Variants in GAS2 observed in about 807,000 individuals in gnomAD.
The protein encoded by GAS2 is growth arrest-specific protein 2.
A neutral mutation model predicts 37.5 loss-of-function variants in GAS2; 20 were observed. The observed-to-expected ratio is 0.53, with a 90% CI of 0.37 to 0.77. The LOEUF (loss-of-function observed/expected upper bound fraction) is 0.77, where lower values mean the gene tolerates loss of function less well. Among genes scored for constraint, GAS2 ranks in the 30% least tolerant of loss-of-function variants. The pLI is 0.00. For missense variants in GAS2, 336 were observed against 373.4 expected, an observed-to-expected ratio of 0.90 and a Z score of 0.82; for synonymous variants, 144 against 132.2, an observed-to-expected ratio of 1.09 and a Z score of -0.61.
intron 3 of GAS2, among the ~76,000 whole-genome samples, chr11:22,722,848 A>C (rs1852012532): frequency 6.6e-6 from 1 of 151,912 alleles, no homozygotes; most frequent in East Asian, 1.9e-4. Flanking sequence ...AAAAGCTTTC[A>C]TGAGTAAACA....
chr11:22,772,741 G>A (rs1855048124), intron 7 of GAS2, among the ~76,000 whole-genome samples: 1 of 152,122 alleles, frequency 6.6e-6, no homozygotes, highest in Non-Finnish European at 1.5e-5. Flanking sequence ...AGTAGAAGGA[G>A]GGAGGATAAT....
chr11:22,684,590 G>A (rs755001657), intron 2 of GAS2, among the ~76,000 whole-genome samples: 2 of 152,144 alleles, frequency 1.3e-5, no homozygotes, highest in Non-Finnish European at 2.9e-5. Context: ...AGAAAGATAC[G>A]TTTAGAAAGA....
intron 7 of GAS2, among the ~76,000 whole-genome samples, chr11:22,793,675 G>GTATATAGA (rs1856290421): frequency 6.6e-6 from 1 of 151,832 alleles, no homozygotes; most frequent in Non-Finnish European, 1.5e-5. Context: ...ATAGAAAGGG[G>GTATATAGA]AAGATAAAAC....
intron 1 of GAS2, among the ~76,000 whole-genome samples, chr11:22,645,520 T>C (rs12279298): frequency 0.22 from 33,794 of 150,306 alleles, 4,652 homozygotes; most frequent in African/African-American, 0.38. Context: ...TATATATATA[T>C]ACACACACAC....
At chr11:22,780,012 C>T (rs867427210) in intron 7 of GAS2, among the ~76,000 whole-genome samples, 2 of 152,174 alleles carry the variant, frequency 1.3e-5, no homozygotes, top group African/African-American at 2.4e-5. Flanking sequence ...AGAGTTGACT[C>T]GGAGTTGATT....
chr11:22,809,103 A>G (rs1857022626), intron 7 of GAS2, among the ~76,000 whole-genome samples: 1 of 152,154 alleles, frequency 6.6e-6, no homozygotes, highest in South Asian at 2.1e-4. Context: ...CTCAGTGTCT[A>G]CATATGTAAA....
Position 22,695,277 on chromosome 11 carries a change from G to A in GAS2, c.267+9488G>A, listed in dbSNP as rs373920587. ...GGAGGTTGCAGTTAGCCAAGATCAC[G>A]CCACTGCACTCCAGCCTGGGTGACA... On this transcript the variant is annotated intron_variant, in intron 3 of 7. Transcript: ENST00000454584. Among the ~76,000 whole-genome samples the A allele has an allele frequency of 4.6e-5, 7 of 151,844 alleles. No individual in the cohort carries two copies. The East Asian group carries it at 1.2e-3, about 25-fold the overall frequency.
chr11:22,647,192 G>C (rs1424774961), intron 1 of GAS2, among the ~76,000 whole-genome samples: 1 of 150,238 alleles, frequency 6.7e-6, no homozygotes, highest in South Asian at 2.1e-4. Context: ...TTGTTCTTGC[G>C]ATAGTTTACT....
intron 7 of GAS2, among the ~76,000 whole-genome samples, chr11:22,798,705 C>T (rs1371217716): frequency 6.6e-6 from 1 of 152,038 alleles, no homozygotes; most frequent in Non-Finnish European, 1.5e-5. Flanking sequence ...CCACCTTTGG[C>T]AAGGACGTCT....
intron 3 of GAS2, among the ~76,000 whole-genome samples, chr11:22,703,687 G>A (rs1259883450): frequency 6.6e-6 from 1 of 152,078 alleles, no homozygotes; most frequent in African/African-American, 2.4e-5. Flanking sequence ...ACAGAGTAAT[G>A]GAATAATGCT....
At chr11:22,753,572 A>G (rs1853860615) in intron 6 of GAS2, among the ~76,000 whole-genome samples, 1 of 152,112 alleles carries the variant, frequency 6.6e-6, no homozygotes, top group Non-Finnish European at 1.5e-5. Context: ...ACATGGCAGC[A>G]AAATTGTGCC....
At chr11:22,714,778 A>G (rs1851582212) in intron 3 of GAS2, among the ~76,000 whole-genome samples, 1 of 152,224 alleles carries the variant, frequency 6.6e-6, no homozygotes, top group Admixed American at 6.5e-5. Flanking sequence ...TGGGTCCACA[A>G]TGAAATCAAG....
At chr11:22,721,183 C>T (rs1236757672) in intron 3 of GAS2, among the ~76,000 whole-genome samples, 1 of 151,928 alleles carries the variant, frequency 6.6e-6, no homozygotes. Context: ...GCACTGAAGG[C>T]ACTTACAACA....
chr11:22,720,349 A>G (rs1851887306), intron 3 of GAS2, among the ~76,000 whole-genome samples: 1 of 151,994 alleles, frequency 6.6e-6, no homozygotes, highest in African/African-American at 2.4e-5. Flanking sequence ...TGCTTGAGGC[A>G]CAGGGTCTTA....
At chr11:22,804,950 C>A (rs1564896650) in intron 7 of GAS2, among the ~76,000 whole-genome samples, 1 of 152,246 alleles carries the variant, frequency 6.6e-6, no homozygotes, top group African/African-American at 2.4e-5. Flanking sequence ...TCTAAACCAG[C>A]TCAGCATCTG....
At chr11:22,674,548 C>T (rs1849340392) in intron 1 of GAS2, among the ~76,000 whole-genome samples, 1 of 152,136 alleles carries the variant, frequency 6.6e-6, no homozygotes, top group Non-Finnish European at 1.5e-5. Context: ...TCTCGTGTTT[C>T]AATATGTGGA....
chr11:22,659,978 G>C (rs1480848188), intron 1 of GAS2, among the ~76,000 whole-genome samples: 1 of 152,104 alleles, frequency 6.6e-6, no homozygotes, highest in Non-Finnish European at 1.5e-5. Flanking sequence ...CTTCAAATAA[G>C]TTGCTTGAAG....
At chr11:22,780,883 G>T (rs1855526990) in intron 7 of GAS2, among the ~76,000 whole-genome samples, 1 of 152,096 alleles carries the variant, frequency 6.6e-6, no homozygotes, top group South Asian at 2.1e-4. Flanking sequence ...CTAGATTCAG[G>T]ATTAAATTCA....
intron 1 of GAS2, among the ~76,000 whole-genome samples, chr11:22,650,974 G>A (rs1222050399): frequency 1.3e-5 from 2 of 152,010 alleles, no homozygotes; most frequent in African/African-American, 4.8e-5. Flanking sequence ...ATGTTAGCTG[G>A]TTATTTTGCT....
Sources: gnomAD v4.1 joint callset for allele counts (sites outside exome capture counted in the v4.1 genomes callset) on GRCh38, gnomAD v4.1.1 for gene constraint, MANE v1.5 for transcripts, NCBI Gene and HGNC (gene_info 2026-07-23, HGNC 2026-07-21) for gene names.